The following PTK2B variants were observed in gnomAD, a reference collection of about 807,000 sequenced individuals.
PTK2B encodes the protein protein tyrosine kinase 2 beta.
In PTK2B, 71 loss-of-function variants were observed where a neutral mutation model predicts 142.9. The ratio of observed to expected loss-of-function variants is 0.50; its 90% CI spans 0.41 to 0.61. PTK2B has a LOEUF of 0.61. Among genes scored for constraint, PTK2B ranks in the 20% least tolerant of loss-of-function variants. The probability of loss-of-function intolerance (pLI) is 0.00; values close to 1 mark genes in which losing one functional copy is unlikely to be tolerated. For synonymous variants in PTK2B, 519 were observed against 503.4 expected (o/e 1.03, Z -0.42); for missense variants, 1,105 against 1,320.4 (o/e 0.84, Z 2.53).
intron 21 of PTK2B, among the ~76,000 whole-genome samples, 157 bp from the exon 22 acceptor site, chr8:27,442,718 C>T (rs1811229195): frequency 6.6e-6 from 1 of 152,146 alleles, no homozygotes; most frequent in Non-Finnish European, 1.5e-5. Flanking sequence ...TCTCAGGGGG[C>T]TCTCCCCAGG....
intron 1 of PTK2B, among the ~76,000 whole-genome samples, chr8:27,373,244 G>T (rs917554699): frequency 2.0e-5 from 3 of 152,186 alleles, no homozygotes; most frequent in East Asian, 3.8e-4. Flanking sequence ...AGCACAGCAG[G>T]GAGGCAGCAT....
chr8:27,429,810 C>T (rs28439949), intron 5 of PTK2B, among the ~76,000 whole-genome samples: 42,349 of 152,078 alleles, frequency 0.28, 5,996 homozygotes, highest in Non-Finnish European at 0.3. Flanking sequence ...TTCTTAGAGG[C>T]CACAGATGGA....
At chr8:27,319,190 A>G (rs1049548627) in intron 3 of PTK2B, among the ~76,000 whole-genome samples, 1 of 151,964 alleles carries the variant, frequency 6.6e-6, no homozygotes, top group African/African-American at 2.4e-5. Context: ...TTTTAGAGAG[A>G]ACAGTATAAT....
In PTK2B at chr8:27,427,139, T is replaced by A. The variant is rs573136300; in HGVS notation, c.552-2954T>A. Among the ~76,000 whole-genome samples the A allele has an allele frequency of 2.7e-4, 41 of 152,278 alleles. 3 individuals are homozygous for A. In the South Asian group the frequency reaches 8.5e-3, roughly 32 times the overall value. ...TTCCCTTTTCAGCGTAGTAAACTCT[T>A]CTATCTTCTGGCACCTTTAGAAAAC... is the stretch of plus-strand genomic sequence containing the variant. On this transcript the variant is annotated intron_variant, in intron 5 of 30. Coordinates refer to ENST00000346049, the MANE Select transcript of PTK2B (RefSeq NM_173176.3).
At chr8:27,365,015 C>T (rs1030143175) in intron 1 of PTK2B, among the ~76,000 whole-genome samples, 1 of 152,176 alleles carries the variant, frequency 6.6e-6, no homozygotes, top group African/African-American at 2.4e-5. Flanking sequence ...TCAGGCTTTC[C>T]TGCAGTTTTG....
chr8:27,349,581 C>T (rs941229002), intron 1 of PTK2B, among the ~76,000 whole-genome samples: 10 of 152,222 alleles, frequency 6.6e-5, no homozygotes, highest in Non-Finnish European at 1.3e-4. Context: ...GCCCCACCCC[C>T]AACAGCCCCG....
upstream of PTK2B, chr8:27,311,164 G>A (rs1337034691): frequency 6.8e-6 from 11 of 1,607,210 alleles, no homozygotes; most frequent in Non-Finnish European, 9.3e-6. Flanking sequence ...AGGGGTCGTA[G>A]CAGACGGCGC....
chr8:27,389,983 G>T (rs1297546547), intron 1 of PTK2B, among the ~76,000 whole-genome samples: 2 of 152,224 alleles, frequency 1.3e-5, no homozygotes, highest in South Asian at 2.1e-4. Context: ...ATAGGAAAGG[G>T]CTGCGTTCTC....
At chr8:27,340,895 G>T (rs539656439) in intron 1 of PTK2B, among the ~76,000 whole-genome samples, 2 of 152,228 alleles carry the variant, frequency 1.3e-5, no homozygotes, top group African/African-American at 4.8e-5. Flanking sequence ...TGCTGTTTGC[G>T]TATGTGCAGT....
chr8:27,450,113 T>C (rs537079051), intron 24 of PTK2B, among the ~76,000 whole-genome samples: 1 of 152,342 alleles, frequency 6.6e-6, no homozygotes. Flanking sequence ...AGCTATTATC[T>C]TAATAAAGAA....
At position 27,363,858 on chromosome 8, in the gene PTK2B, A is replaced by G. The variant is rs1489555268; in HGVS notation, c.-37-33690A>G. 6.6e-6 allele frequency among the ~76,000 whole-genome samples: 1 copy of G among 152,168 alleles called. No individual in the cohort carries two copies. Among genetic ancestry groups the G allele is most frequent in the Non-Finnish European group, 1.5e-5 (1 of 68,012 alleles). On this transcript the variant is annotated intron_variant, in intron 1 of 30. Coordinates refer to ENST00000346049, the MANE Select transcript of PTK2B (RefSeq NM_173176.3). The surrounding 1 kb of genome is among the most constrained non-coding windows in gnomAD (Gnocchi z 4.3). The stretch of plus-strand genomic sequence containing the variant: ...CCCACCCCCAGTCCTGTGGGCCACG[A>G]TTACTCTCCCACGTGCTGGAGATGA...
At chr8:27,437,039 A>C in intron 15 of PTK2B, 83 bp from the exon 16 acceptor site, 1 of 1,335,380 alleles carries the variant, frequency 7.5e-7, no homozygotes, top group South Asian at 1.2e-5. Context: ...CAAAATCTGC[A>C]GGAGGCCATG....
chr8:27,451,597 A>G (rs1429969699), intron 27 of PTK2B, 88 bp downstream of exon 27: 12 of 1,602,800 alleles, frequency 7.5e-6, no homozygotes, highest in Non-Finnish European at 1.0e-5. Flanking sequence ...GGCAGGGAGC[A>G]GCGGAGTCTG....
In PTK2B at chr8:27,431,990, T is replaced by G. The variant is rs549043731; in HGVS notation, c.886-270T>G. On this transcript the variant is annotated intron_variant, in intron 9 of 30. Transcript: ENST00000346049. ...CTTAAAACATGTTGAGATTTTTTTG[T>G]GCGATTTTTTTTTTTACCTTCATCA... 2.6e-4 allele frequency: 96 copies of G among 364,584 alleles called. No individual in the cohort carries two copies. In the East Asian group the frequency reaches 3.7e-3, roughly 14 times the overall value. The allele number at this position is 364,584 out of a possible 1,614,324, so 22.6% of individuals were successfully genotyped here. A position where few individuals can be genotyped will look rare whatever the true frequency, so the allele number is the denominator to read the frequency against.
chr8:27,422,744 G>A (rs1174530892), intron 5 of PTK2B, among the ~76,000 whole-genome samples: 1 of 152,208 alleles, frequency 6.6e-6, no homozygotes, highest in Non-Finnish European at 1.5e-5. Flanking sequence ...GCCTAGAGAT[G>A]TCTATCTGTG....
intron 3 of PTK2B, among the ~76,000 whole-genome samples, chr8:27,316,455 T>C (rs1047717253): frequency 6.6e-6 from 1 of 152,222 alleles, no homozygotes; most frequent in Non-Finnish European, 1.5e-5. Context: ...TGGAAGAAGA[T>C]ATACCACACT....
At chr8:27,440,850 C>A (rs1227732184) in intron 21 of PTK2B, among the ~76,000 whole-genome samples, 1 of 152,170 alleles carries the variant, frequency 6.6e-6, no homozygotes, top group African/African-American at 2.4e-5. Flanking sequence ...GACCTGTTTT[C>A]AAGACTATGA....
chr8:27,455,568 G>T (rs919494), intron 30 of PTK2B, among the ~76,000 whole-genome samples: 67,823 of 152,028 alleles, frequency 0.45, 16,088 homozygotes, highest in African/African-American at 0.6. Flanking sequence ...TAAAACAAGA[G>T]GGAGGCAGTG....
chr8:27,387,612 C>T (rs551155249), intron 1 of PTK2B, among the ~76,000 whole-genome samples: 2 of 152,298 alleles, frequency 1.3e-5, no homozygotes, highest in South Asian at 2.1e-4. Context: ...CCTCAGCTTT[C>T]ACTGCTGAGG....
Sources: allele counts gnomAD v4.1 joint callset (sites outside exome capture counted in the v4.1 genomes callset), GRCh38; gene constraint gnomAD v4.1.1; non-coding constraint Gnocchi (gnomAD v3.1); transcripts MANE v1.5; gene names NCBI Gene and HGNC (gene_info 2026-07-23, HGNC 2026-07-21).